Variants in COL25A1 observed in about 807,000 individuals in gnomAD.
COL25A1 encodes collagen type XXV alpha 1 chain.
Under a neutral mutation model 128.4 loss-of-function variants are expected in COL25A1, and 103 were observed. That is an observed-to-expected ratio of 0.80 (90% CI 0.68 to 0.94). The LOEUF (loss-of-function observed/expected upper bound fraction) is 0.94, where lower values mean the gene tolerates loss of function less well. Ranked by LOEUF, COL25A1 falls within the 40% of genes least tolerant of loss-of-function variation. The probability of loss-of-function intolerance (pLI) is 0.00; values close to 1 mark genes in which losing one functional copy is unlikely to be tolerated. For synonymous variants in COL25A1, 279 were observed against 277.2 expected, an observed-to-expected ratio of 1.01 and a Z score of -0.06; for missense variants, 745 against 840.0, an observed-to-expected ratio of 0.89 and a Z score of 1.40.
chr4:109,026,221 G>A (rs935274293), intron 5 of COL25A1, among the ~76,000 whole-genome samples: 2 of 151,724 alleles, frequency 1.3e-5, no homozygotes, highest in African/African-American at 4.9e-5. Context: ...GTAATGTAAT[G>A]TAAATATTTC....
At chr4:108,835,190 C>T (rs899334513) in intron 31 of COL25A1, among the ~76,000 whole-genome samples, 4 of 152,124 alleles carry the variant, frequency 2.6e-5, no homozygotes, top group Admixed American at 6.5e-5. Flanking sequence ...AAATAAATAG[C>T]GTATGATTAA....
At chr4:108,868,949 G>T in intron 20 of COL25A1, 139 bp downstream of exon 20, 1 of 518,170 alleles carries the variant, frequency 1.9e-6, no homozygotes, top group Non-Finnish European at 3.3e-6. Flanking sequence ...AGAAAGAAAA[G>T]AAAGAAAGAA....
intron 3 of COL25A1, among the ~76,000 whole-genome samples, chr4:109,249,204 C>A (rs916453067): frequency 6.6e-6 from 1 of 152,172 alleles, no homozygotes; most frequent in Non-Finnish European, 1.5e-5. Flanking sequence ...ATTCTTACAG[C>A]ACTCTATTGG....
chr4:109,064,890 T>C (rs949528575), intron 3 of COL25A1, among the ~76,000 whole-genome samples: 8 of 152,150 alleles, frequency 5.3e-5, no homozygotes, highest in African/African-American at 1.7e-4. Flanking sequence ...TGATTTCACA[T>C]CCAACAGACA....
chr4:109,063,567 T>G (rs1762167144), intron 3 of COL25A1, among the ~76,000 whole-genome samples: 1 of 150,906 alleles, frequency 6.6e-6, no homozygotes, highest in Non-Finnish European at 1.5e-5. Context: ...ACAGCCCCAG[T>G]GCAGTGGTTC....
intron 3 of COL25A1, among the ~76,000 whole-genome samples, chr4:109,090,522 A>G (rs1764803285): frequency 6.6e-6 from 1 of 152,248 alleles, no homozygotes; most frequent in Non-Finnish European, 1.5e-5. Flanking sequence ...ATACAGTTTT[A>G]GAACTTACAG....
chr4:108,879,819 AT>A (rs1739909224), intron 19 of COL25A1, among the ~76,000 whole-genome samples: 2 of 148,592 alleles, frequency 1.3e-5, no homozygotes, highest in South Asian at 4.3e-4. Flanking sequence ...TTATTTATTT[AT>A]TTTTTTGAGA....
chr4:109,043,464 C>A (rs1760120114), intron 5 of COL25A1, among the ~76,000 whole-genome samples: 1 of 152,010 alleles, frequency 6.6e-6, no homozygotes. Flanking sequence ...ACAGAGCAGG[C>A]TGCACAACAG....
At chr4:109,038,814 C>T (rs189666214) in intron 5 of COL25A1, among the ~76,000 whole-genome samples, 74 of 152,272 alleles carry the variant, frequency 4.9e-4, no homozygotes, top group South Asian at 2.7e-3. Flanking sequence ...CCCCTCTGCC[C>T]CCACTGGAGA....
chr4:109,203,258 G>A (rs1441560487), intron 3 of COL25A1, among the ~76,000 whole-genome samples: 4 of 152,110 alleles, frequency 2.6e-5, no homozygotes, highest in African/African-American at 9.7e-5. Flanking sequence ...CAGAAGACAA[G>A]ACGAGCCATG....
chr4:108,964,388 C>A (rs1428049377), intron 8 of COL25A1, among the ~76,000 whole-genome samples: 1 of 151,298 alleles, frequency 6.6e-6, no homozygotes, highest in Non-Finnish European at 1.5e-5. Context: ...TATATATAAG[C>A]ATTTTGCAAA....
Position 109,093,464 on chromosome 4 carries a change from A to AC in COL25A1, c.368-43286_368-43285insG, listed in dbSNP as rs747611117. On this transcript the variant is annotated intron_variant, in intron 3 of 37. Coordinates refer to ENST00000399132, the MANE Select transcript of COL25A1 (RefSeq NM_198721.4). ...GCAAGACTCCATCTCTATGAAAAAA[A>AC]AAAAAAAAAAAACCTTTTTTAAATT... 1.2e-3 allele frequency among the ~76,000 whole-genome samples: 161 copies of AC among 131,486 alleles called. 2 individuals are homozygous for AC. The highest frequency in any genetic ancestry group is 7.5e-3 in the Middle Eastern group (2 of 268). The allele number at this position is 131,486 out of a possible 152,430, so 86.3% of individuals were successfully genotyped here. A position where few individuals can be genotyped will look rare whatever the true frequency, so the allele number is the denominator to read the frequency against.
chr4:109,290,733 C>T (rs1407158150), intron 3 of COL25A1, among the ~76,000 whole-genome samples: 1 of 151,876 alleles, frequency 6.6e-6, no homozygotes, highest in Non-Finnish European at 1.5e-5. Flanking sequence ...TCTTGGACCA[C>T]ACATTAACAT....
chr4:109,093,904 CA>C (rs201316986), intron 3 of COL25A1, among the ~76,000 whole-genome samples: 13,294 of 141,602 alleles, frequency 0.094, 781 homozygotes, highest in East Asian at 0.3. Flanking sequence ...TTTCTCACTG[CA>C]AAAAAAAAAA....
At chr4:109,191,294 A>G (rs1395707013) in intron 3 of COL25A1, among the ~76,000 whole-genome samples, 1 of 152,204 alleles carries the variant, frequency 6.6e-6, no homozygotes, top group Non-Finnish European at 1.5e-5. Context: ...ATCAAGAAGG[A>G]CAATGCACAA....
chr4:108,870,194 T>C (rs1446651036), intron 19 of COL25A1, among the ~76,000 whole-genome samples: 1 of 152,120 alleles, frequency 6.6e-6, no homozygotes, highest in African/African-American at 2.4e-5. Flanking sequence ...AGGTTGAGGC[T>C]GCAGTGAGCC....
At chr4:109,116,529 T>TC (rs1364522330) in intron 3 of COL25A1, among the ~76,000 whole-genome samples, 1 of 151,924 alleles carries the variant, frequency 6.6e-6, no homozygotes, top group Non-Finnish European at 1.5e-5. Flanking sequence ...TCTCCTCCTC[T>TC]CCCCACACCT....
At chr4:109,006,923 A>G (rs1300202365) in intron 6 of COL25A1, among the ~76,000 whole-genome samples, 1 of 152,150 alleles carries the variant, frequency 6.6e-6, no homozygotes, top group Non-Finnish European at 1.5e-5. Context: ...TTGGGGGAAG[A>G]AAGAGCATCG....
intron 3 of COL25A1, among the ~76,000 whole-genome samples, chr4:109,054,779 T>A (rs1182896359): frequency 6.6e-6 from 1 of 151,752 alleles, no homozygotes. Flanking sequence ...AGGGACAGAG[T>A]GAGGACGAAG....
Sources: allele counts gnomAD v4.1 joint callset (sites outside exome capture counted in the v4.1 genomes callset), GRCh38; gene constraint gnomAD v4.1.1; transcripts MANE v1.5; gene names NCBI Gene and HGNC (gene_info 2026-07-23, HGNC 2026-07-21).